The following TBL1Y variants were observed in gnomAD, a reference collection of about 807,000 sequenced individuals.
TBL1Y encodes the protein F-box-like/WD repeat-containing protein TBL1Y.
In TBL1Y, 15 loss-of-function variants were observed where a neutral mutation model predicts 12.0. That is an observed-to-expected ratio of 1.25 (90% CI 0.83 to 1.92). TBL1Y has a LOEUF of 1.92. Ranked by LOEUF, TBL1Y falls within the 40% of genes most tolerant of loss-of-function variation. TBL1Y has a pLI of 0.00. For missense variants in TBL1Y, 148 were observed against 116.7 expected, an observed-to-expected ratio of 1.27 and a Z score of -1.24; for synonymous variants, 53 against 42.6, an observed-to-expected ratio of 1.24 and a Z score of -0.95.
At chrY:6,981,698 A>G in intron 3 of TBL1Y, among the ~76,000 whole-genome samples, 1 of 29,247 alleles carries the variant, frequency 3.4e-5, no homozygotes, top group South Asian at 8.9e-4. Context: ...TTTCCAAAGG[A>G]AAGTCTGGTG....
intron 4 of TBL1Y, among the ~76,000 whole-genome samples, chrY:7,005,142 C>G (rs2012478874): frequency 3.0e-5 from 1 of 33,172 alleles, no homozygotes; most frequent in East Asian, 8.0e-4. Flanking sequence ...AAGAACAAAT[C>G]TGTGAGGCTG....
At chrY:6,944,251 T>C in intron 2 of TBL1Y, among the ~76,000 whole-genome samples, 1 of 33,521 alleles carries the variant, frequency 3.0e-5, no homozygotes, top group African/African-American at 1.2e-4. Context: ...CCATAACCTA[T>C]GTGTGCACCT....
intron 16 of TBL1Y, among the ~76,000 whole-genome samples, chrY:7,086,703 A>T: frequency 6.5e-5 from 2 of 30,650 alleles, no homozygotes; most frequent in African/African-American, 2.6e-4. Context: ...TATCTCTACT[A>T]AAAAATACAA....
intron 2 of TBL1Y, among the ~76,000 whole-genome samples, chrY:6,940,341 C>CATTG (rs2011944737): frequency 1.6e-4 from 5 of 32,006 alleles, no homozygotes; most frequent in South Asian, 7.3e-4. Context: ...ACTGGGTCTT[C>CATTG]ATTGATTGAT....
chrY:7,087,971 A>G, intron 17 of TBL1Y, among the ~76,000 whole-genome samples: 3 of 32,538 alleles, frequency 9.2e-5, no homozygotes, highest in Non-Finnish European at 2.2e-4. Context: ...TGCCACTTAG[A>G]TTTTTCAAAT....
intron 2 of TBL1Y, among the ~76,000 whole-genome samples, chrY:6,969,569 A>G: frequency 3.0e-5 from 1 of 33,601 alleles, no homozygotes; most frequent in Non-Finnish European, 7.4e-5. Flanking sequence ...AGATCTGTAC[A>G]GGCATCCTAA....
intron 2 of TBL1Y, among the ~76,000 whole-genome samples, chrY:6,950,096 A>G (rs2012013464): frequency 3.0e-5 from 1 of 33,829 alleles, no homozygotes; most frequent in African/African-American, 1.1e-4. Context: ...GTACACAAAT[A>G]CTTATTTCCT....
intron 7 of TBL1Y, among the ~76,000 whole-genome samples, chrY:7,063,171 G>A: frequency 3.0e-5 from 1 of 33,398 alleles, no homozygotes; most frequent in African/African-American, 1.2e-4. Context: ...ATGTAATCCC[G>A]GACGAGCCCC....
In TBL1Y at chrY:7,029,957, G is replaced by A. The variant is rs755709409; in HGVS notation, c.58+4815G>A. 1.8e-4 allele frequency among the ~76,000 whole-genome samples: 6 copies of A among 34,261 alleles called. No individual in the cohort carries two copies. In the East Asian group the frequency reaches 4.6e-3, roughly 26 times the overall value. 91.9% of individuals were successfully genotyped at this position (34,261 alleles called of 37,273 possible). ...CAGTGATTTGTTTATCCATCCTCCTGTGGAAGGACATTTGGGTGCTTTCTA... is the reference window on the plus strand; with the variant it reads ...CAGTGATTTGTTTATCCATCCTCCTATGGAAGGACATTTGGGTGCTTTCTA... On this transcript the variant is annotated intron_variant, in intron 6 of 18. Transcript: ENST00000383032.
At chrY:6,983,317 T>C in intron 3 of TBL1Y, among the ~76,000 whole-genome samples, 3 of 33,525 alleles carry the variant, frequency 8.9e-5, no homozygotes, top group Non-Finnish European at 7.4e-5. Context: ...CAGTAGCTTC[T>C]TTTTATAGAA....
At chrY:7,074,672 T>A in intron 13 of TBL1Y, 52 bp downstream of exon 13, 3 of 357,100 alleles carry the variant, frequency 8.4e-6, no homozygotes, top group Non-Finnish European at 1.2e-5. Flanking sequence ...AAAATTAGGC[T>A]GGGTGCAGTG....
At chrY:6,920,581 C>T in intron 2 of TBL1Y, 2 of 33,311 alleles carry the variant, frequency 6.0e-5, no homozygotes, top group Non-Finnish European at 7.4e-5. Flanking sequence ...TCTGGTATTT[C>T]GGGGTCTTTT....
chrY:6,937,569 A>G, intron 2 of TBL1Y, among the ~76,000 whole-genome samples: 1 of 32,892 alleles, frequency 3.0e-5, no homozygotes, highest in Non-Finnish European at 7.5e-5. Flanking sequence ...ACTCCATTTC[A>G]TAAGAAGACA....
chrY:7,080,905 G>A, intron 14 of TBL1Y, 52 bp downstream of exon 14: 1 of 393,023 alleles, frequency 2.5e-6, no homozygotes, highest in Non-Finnish European at 3.6e-6. Flanking sequence ...GGTGATGTGG[G>A]AGCCAATTCT....
intron 7 of TBL1Y, among the ~76,000 whole-genome samples, chrY:7,048,469 T>A (rs2012774814): frequency 3.3e-4 from 11 of 33,182 alleles, no homozygotes; most frequent in East Asian, 7.8e-4. Flanking sequence ...CCTTTTATTT[T>A]AAAAAAAAAT....
At chrY:6,964,352 A>G in intron 2 of TBL1Y, among the ~76,000 whole-genome samples, 1 of 34,017 alleles carries the variant, frequency 2.9e-5, no homozygotes, top group Non-Finnish European at 7.3e-5. Flanking sequence ...AAGTCTGGAT[A>G]TGGCTCTTTA....
intron 3 of TBL1Y, among the ~76,000 whole-genome samples, chrY:6,983,030 G>A (rs955473564): frequency 3.6e-4 from 12 of 33,063 alleles, no homozygotes; most frequent in African/African-American, 1.4e-3. Flanking sequence ...CACAAAACCA[G>A]TCCCTGGTGC....
intron 4 of TBL1Y, among the ~76,000 whole-genome samples, chrY:7,016,421 T>C: frequency 3.1e-5 from 1 of 32,128 alleles, no homozygotes; most frequent in South Asian, 7.4e-4. Flanking sequence ...AATACAGAAA[T>C]GTGATGCCAA....
intron 2 of TBL1Y, among the ~76,000 whole-genome samples, chrY:6,976,358 C>G: frequency 8.9e-5 from 3 of 33,608 alleles, no homozygotes; most frequent in Non-Finnish European, 2.2e-4. Flanking sequence ...TTAGTTATTT[C>G]TCAAATTATA....
Sources: gnomAD v4.1 joint callset for allele counts (sites outside exome capture counted in the v4.1 genomes callset) on GRCh38, gnomAD v4.1.1 for gene constraint, MANE v1.5 for transcripts, NCBI Gene and HGNC (gene_info 2026-07-23, HGNC 2026-07-21) for gene names.